OLA1: variants seen among roughly 807,000 people sequenced by gnomAD.
OLA1 encodes the protein obg-like ATPase 1.
A neutral mutation model predicts 48.4 loss-of-function variants in OLA1; 14 were observed. The observed-to-expected ratio is 0.29, with a 90% CI of 0.19 to 0.45. OLA1 has a LOEUF of 0.45. Ranked by LOEUF, OLA1 falls within the 20% of genes least tolerant of loss-of-function variation. The probability of loss-of-function intolerance (pLI) is 1.00; values close to 1 mark genes in which losing one functional copy is unlikely to be tolerated. For synonymous variants in OLA1, 127 were observed against 150.4 expected, an observed-to-expected ratio of 0.84 and a Z score of 1.14; for missense variants, 325 against 467.1, an observed-to-expected ratio of 0.70 and a Z score of 2.80.
chr2:174,077,136 G>C (rs1331040484), intron 10 of OLA1, among the ~76,000 whole-genome samples: 1 of 151,828 alleles, frequency 6.6e-6, no homozygotes, highest in African/African-American at 2.4e-5. Flanking sequence ...TATTAAACAA[G>C]ACACGTCTAA....
chr2:174,141,430 G>A (rs945386150), intron 5 of OLA1, among the ~76,000 whole-genome samples: 2 of 152,186 alleles, frequency 1.3e-5, no homozygotes, highest in Non-Finnish European at 2.9e-5. Context: ...CTTTAAGAGT[G>A]TATTCATTTA....
chr2:174,169,776 GTT>G (rs1687253101), intron 4 of OLA1, among the ~76,000 whole-genome samples: 1 of 152,048 alleles, frequency 6.6e-6, no homozygotes, highest in Admixed American at 6.5e-5. Context: ...AAGGCTTTTT[GTT>G]TTTTCTTTTC....
chr2:174,203,386 C>T (rs1688032275), intron 4 of OLA1, among the ~76,000 whole-genome samples: 1 of 151,908 alleles, frequency 6.6e-6, no homozygotes, highest in Non-Finnish European at 1.5e-5. Context: ...AACACCCTGC[C>T]AATTACAGCA....
At chr2:174,139,864 C>CAAAAAAAAA (rs1162058790) in intron 5 of OLA1, among the ~76,000 whole-genome samples, 1 of 76,952 alleles carries the variant, frequency 1.3e-5, no homozygotes. Context: ...GACTCAGTCT[C>CAAAAAAAAA]AAAAAAAAAA....
chr2:174,176,676 A>G (rs1687426346), intron 4 of OLA1, among the ~76,000 whole-genome samples: 2 of 152,072 alleles, frequency 1.3e-5, no homozygotes. Flanking sequence ...TAAAAGCTAA[A>G]CATTTCACCG....
In OLA1 at chr2:174,195,610, A is replaced by G. The variant is rs554336740; in HGVS notation, c.373+27423T>C. 5.3e-5 allele frequency among the ~76,000 whole-genome samples: 8 copies of G among 152,316 alleles called. No individual in the cohort carries two copies. The South Asian group carries it at 1.7e-3, about 32-fold the overall frequency. On this transcript the variant is annotated intron_variant, in intron 4 of 10. Coordinates refer to ENST00000284719, the MANE Select transcript of OLA1 (RefSeq NM_013341.5). Reference sequence around the variant, plus strand: ...GTTCTCATTTAGATTGTTTCTAAAAAGAACAAAAAGGTCTTATTTTAAGTA... The same window carrying G: ...GTTCTCATTTAGATTGTTTCTAAAAGGAACAAAAAGGTCTTATTTTAAGTA...
chr2:174,168,159 G>C (rs1007991635), intron 4 of OLA1, among the ~76,000 whole-genome samples: 3 of 152,168 alleles, frequency 2.0e-5, no homozygotes, highest in African/African-American at 4.8e-5. Flanking sequence ...CTGTCCTAGA[G>C]AAGCAGAAAA....
intron 2 of OLA1, among the ~76,000 whole-genome samples, chr2:174,231,920 G>T (rs1280325418): frequency 6.6e-6 from 1 of 152,188 alleles, no homozygotes; most frequent in African/African-American, 2.4e-5. Flanking sequence ...GCCTATGCCT[G>T]AAGTGTTAAA....
intron 5 of OLA1, among the ~76,000 whole-genome samples, chr2:174,129,923 A>ATTCTAATGCTGATATCCAGATGAACTGAC (rs1686139072): frequency 6.6e-6 from 1 of 152,150 alleles, no homozygotes; most frequent in Non-Finnish European, 1.5e-5. Context: ...TGTCACCACA[A>ATTCTAATGCTGATATCCAGATGAACTGAC]TTCTAATGCT....
At chr2:174,148,261 G>A (rs562445154) in intron 4 of OLA1, among the ~76,000 whole-genome samples, 57 of 152,222 alleles carry the variant, frequency 3.7e-4, no homozygotes, top group African/African-American at 1.1e-3. Flanking sequence ...GGTGGCATGC[G>A]CCTGTGGTCC....
chr2:174,224,011 T>C (rs928372773), intron 3 of OLA1, among the ~76,000 whole-genome samples: 1 of 152,214 alleles, frequency 6.6e-6, no homozygotes, highest in African/African-American at 2.4e-5. Context: ...CAAAGGTATA[T>C]ATAATGTAAT....
At chr2:174,160,219 G>C (rs1313236074) in intron 4 of OLA1, among the ~76,000 whole-genome samples, 3 of 152,012 alleles carry the variant, frequency 2.0e-5, no homozygotes, top group Non-Finnish European at 4.4e-5. Context: ...ACATTTCATA[G>C]AAGTAATCCT....
At chr2:174,118,835 A>T (rs1482142499) in intron 7 of OLA1, among the ~76,000 whole-genome samples, 1 of 152,176 alleles carries the variant, frequency 6.6e-6, no homozygotes, top group Non-Finnish European at 1.5e-5. Flanking sequence ...ATAGTATTGC[A>T]AAAAATACAA....
At chr2:174,241,325 A>T (rs1688995891) in intron 2 of OLA1, among the ~76,000 whole-genome samples, 1 of 152,258 alleles carries the variant, frequency 6.6e-6, no homozygotes. Context: ...ACTATTTTAA[A>T]CCATGAACTT....
intron 2 of OLA1, among the ~76,000 whole-genome samples, chr2:174,234,113 C>T (rs1688794813): frequency 6.6e-6 from 1 of 152,124 alleles, no homozygotes; most frequent in Admixed American, 6.5e-5. Context: ...CAAGACCAAA[C>T]CCTCCACCTC....
At chr2:174,085,662 TCTGA>T (rs1388506334) in intron 7 of OLA1, among the ~76,000 whole-genome samples, 3 of 152,250 alleles carry the variant, frequency 2.0e-5, no homozygotes, top group Admixed American at 2.0e-4. Flanking sequence ...AGCCTTGTGA[TCTGA>T]CTTTCTTAGC....
intron 4 of OLA1, among the ~76,000 whole-genome samples, chr2:174,175,355 C>A (rs1026425814): frequency 6.9e-6 from 1 of 144,832 alleles, no homozygotes; most frequent in Non-Finnish European, 1.5e-5. Context: ...ATATACTTGA[C>A]AAAGAACTTG....
intron 4 of OLA1, among the ~76,000 whole-genome samples, chr2:174,179,110 T>C (rs1195744903): frequency 6.6e-6 from 1 of 151,900 alleles, no homozygotes; most frequent in Non-Finnish European, 1.5e-5. Context: ...AAAAGGATAA[T>C]GAATGAGCAG....
At chr2:174,156,411 CA>C (rs1686878584) in intron 4 of OLA1, among the ~76,000 whole-genome samples, 1 of 151,980 alleles carries the variant, frequency 6.6e-6, no homozygotes. Context: ...ATGTAGTAAC[CA>C]AAAGATATTA....
Sources: gnomAD v4.1 joint callset for allele counts (sites outside exome capture counted in the v4.1 genomes callset) on GRCh38, gnomAD v4.1.1 for gene constraint, MANE v1.5 for transcripts, NCBI Gene and HGNC (gene_info 2026-07-23, HGNC 2026-07-21) for gene names.